TPCN1: variants seen among roughly 807,000 people sequenced by gnomAD.
The protein encoded by TPCN1 is two pore channel protein 1.
A neutral mutation model predicts 108.8 loss-of-function variants in TPCN1; 52 were observed. The observed-to-expected ratio is 0.48, with a 90% CI of 0.38 to 0.60. The LOEUF (loss-of-function observed/expected upper bound fraction) is 0.60, where lower values mean the gene tolerates loss of function less well. TPCN1 is among the 20% of genes least tolerant of loss of function. TPCN1 has a pLI of 0.00. For synonymous variants in TPCN1, 446 were observed against 433.7 expected, an observed-to-expected ratio of 1.03 and a Z score of -0.35; for missense variants, 806 against 1,072.8, an observed-to-expected ratio of 0.75 and a Z score of 3.47.
Position 113,288,749 on chromosome 12 carries a change from G to T in TPCN1, c.1707-9G>T. 6.2e-7 allele frequency: 1 copy of T among 1,611,582 alleles called. No homozygotes were observed. The highest frequency in any genetic ancestry group is 1.1e-5 in the South Asian group (1 of 91,084). On this transcript the variant is annotated splice_polypyrimidine_tract_variant and intron_variant, in intron 20 of 27. Transcript: ENST00000335509. This position sits in a 1 kb window ranked among gnomAD's most constrained non-coding sequence, Gnocchi z 4.8. ...GGCCCCGCGTCACCCTGCCCCTGTC[G>T]CCCCACAGCCTGGGCCTCACCCTGC...
intron 2 of TPCN1, among the ~76,000 whole-genome samples, chr12:113,245,348 A>G: frequency 6.7e-6 from 1 of 149,698 alleles, no homozygotes. Context: ...CTGTAATCCC[A>G]GCACTTTGGG....
chr12:113,293,291 G>A lies in TPCN1; in HGVS notation c.2276G>A (p.Gly759Glu). 1 of 1,614,092 alleles carries A rather than the reference G, an allele frequency of 6.2e-7. No homozygotes were observed. The highest frequency in any genetic ancestry group is 1.1e-5 in the South Asian group (1 of 91,086). ...TAGCAACATTCCATGGTGTTTCTGG[G>A]ACGGCGATCAAGGACCAAGAGCGAC... ...RYQQHSMVFL[G>E]RRSRTKSDLS... is the part of the protein sequence containing the mutation. Residue 759 changes from glycine (G) to glutamate (E), a missense_variant, in exon 27 of 28, where the codon GGA (glycine) becomes GAA (glutamate). By Grantham distance (98) the Gly-to-Glu change is moderately conservative. Transcript: ENST00000335509.
At chr12:113,242,259 C>T (rs753243951) in intron 2 of TPCN1, among the ~76,000 whole-genome samples, 1 of 152,226 alleles carries the variant, frequency 6.6e-6, no homozygotes, top group Non-Finnish European at 1.5e-5. Flanking sequence ...GACTGACCTC[C>T]TTGGCTGTGT....
At chr12:113,228,814 G>A (rs1317903471) in intron 2 of TPCN1, among the ~76,000 whole-genome samples, 2 of 152,204 alleles carry the variant, frequency 1.3e-5, no homozygotes, top group African/African-American at 4.8e-5. Context: ...TTTGGGGAAA[G>A]GGATGAAAGT....
intron 7 of TPCN1, among the ~76,000 whole-genome samples, chr12:113,270,532 G>C (rs1236377202): frequency 2.0e-5 from 3 of 151,618 alleles, no homozygotes; most frequent in Non-Finnish European, 2.9e-5. Context: ...CCAGGCTGGA[G>C]TGCAGTGGCA....
chr12:113,292,931 C>T lies in TPCN1; in HGVS notation c.2114-3C>T, dbSNP rs11837633. 5.3e-3 allele frequency: 8,586 copies of T among 1,610,746 alleles called. 387 individuals are homozygous for T. In the African/African-American group the frequency reaches 0.099, roughly 19 times the overall value. On this transcript the variant is annotated splice_polypyrimidine_tract_variant and splice_region_variant and intron_variant, in intron 25 of 27. Coordinates refer to ENST00000335509, the MANE Select transcript of TPCN1 (RefSeq NM_017901.6). ...TTCCCACACCTGCCTTCCATCCCTG[C>T]AGTTGATGGTGGCATCACCCTTGAG...
At chr12:113,245,690 C>T (rs1230218932) in intron 2 of TPCN1, among the ~76,000 whole-genome samples, 1 of 151,710 alleles carries the variant, frequency 6.6e-6, no homozygotes, top group Non-Finnish European at 1.5e-5. Context: ...TTTTTCTGAT[C>T]AGAGCTCCCT....
chr12:113,272,760 G>GC lies in TPCN1; in HGVS notation c.783+69dup. On this transcript the variant is annotated intron_variant, in intron 8 of 27. Coordinates refer to ENST00000335509, the MANE Select transcript of TPCN1 (RefSeq NM_017901.6). The surrounding 1 kb of genome is among the most constrained non-coding windows in gnomAD (Gnocchi z 4.1). ...GCTTTTCCCTCAGACAGGGTCACCGGCGTGACCCTGTGGCCATATGGGGAA... is the reference window on the plus strand; with the variant it reads ...GCTTTTCCCTCAGACAGGGTCACCGGCCGTGACCCTGTGGCCATATGGGGAA... 1 of 1,488,494 alleles carries GC rather than the reference G, an allele frequency of 6.7e-7. No homozygotes were observed. Among genetic ancestry groups the GC allele is most frequent in the Non-Finnish European group, 9.4e-7 (1 of 1,065,650 alleles). The allele number at this position is 1,488,494 out of a possible 1,614,324, so 92.2% of individuals were successfully genotyped here. A position where few individuals can be genotyped will look rare whatever the true frequency, so the allele number is the denominator to read the frequency against.
chr12:113,223,435 C>CTTTTTTTTT lies in TPCN1; in HGVS notation c.-126+1818_-126+1826dup, dbSNP rs1172851714. Among the ~76,000 whole-genome samples the CTTTTTTTTT allele has an allele frequency of 8.9e-3, 1,074 of 120,160 alleles. 20 individuals carry two copies. The highest frequency in any genetic ancestry group is 0.031 in the African/African-American group (974 of 31,882). 78.8% of individuals were successfully genotyped at this position (120,160 alleles called of 152,430 possible). ...AGGTCTGCAGTCAGATCTGCTGAGT[C>CTTTTTTTTT]TTTTTTTTTTTTTTTTTGGTTCTTC... On this transcript the variant is annotated intron_variant, in intron 1 of 27. Coordinates refer to ENST00000335509, the MANE Select transcript of TPCN1 (RefSeq NM_017901.6).
In TPCN1 at chr12:113,293,011, C is replaced by A; in HGVS notation, c.2191C>A (p.Arg731=). 2 of 1,613,080 alleles carry A rather than the reference C, an allele frequency of 1.2e-6. No individual in the cohort carries two copies. Among genetic ancestry groups the A allele is most frequent in the South Asian group, 1.1e-5 (1 of 91,082 alleles). ...CGTCCTGGAGCTCTACCGGGAGGCA[C>A]GGGGGGCCTCCTCGGATGTCACCAG... ...VAVLELYREA[R]GASSDVTRLL... The change falls in exon 26 of 28, where the codon CGG becomes AGG. Residue 731 remains arginine, a synonymous_variant. Transcript: ENST00000335509.
At chr12:113,246,115 C>G (rs1400830171) in intron 2 of TPCN1, 2 of 443,834 alleles carry the variant, frequency 4.5e-6, no homozygotes, top group African/African-American at 4.0e-5. Context: ...TCTCCTGCTT[C>G]GAGTCAGAGT....
chr12:113,274,217 C>T (rs1249669327), intron 10 of TPCN1, among the ~76,000 whole-genome samples: 2 of 152,106 alleles, frequency 1.3e-5, no homozygotes, highest in East Asian at 3.8e-4. Flanking sequence ...TTTTGGGAGG[C>T]CAAGGTGGGT....
chr12:113,237,325 C>T (rs1281969136), intron 2 of TPCN1, among the ~76,000 whole-genome samples: 2 of 152,084 alleles, frequency 1.3e-5, no homozygotes, highest in Non-Finnish European at 1.5e-5. Flanking sequence ...TCCCCAGGTC[C>T]CAGAAGCTCA....
intron 17 of TPCN1, 34 bp from the exon 18 acceptor site, chr12:113,285,855 G>C: frequency 6.3e-7 from 1 of 1,584,564 alleles, no homozygotes; most frequent in Non-Finnish European, 8.6e-7. Context: ...AGGATGTGGC[G>C]GGGCTGCTGC....
At chr12:113,261,645 TCTCAAA>T (rs1263471127) in intron 3 of TPCN1, among the ~76,000 whole-genome samples, 1 of 152,126 alleles carries the variant, frequency 6.6e-6, no homozygotes, top group Non-Finnish European at 1.5e-5. Flanking sequence ...GCCAGGCTGA[TCTCAAA>T]CTCTTGACCT....
chr12:113,292,708 C>A, intron 25 of TPCN1: 1 of 493,986 alleles, frequency 2.0e-6, no homozygotes, highest in South Asian at 3.3e-5. Flanking sequence ...TTCCTGAAAC[C>A]CTCTGGCCCT....
chr12:113,262,435 T>A (rs986628695), intron 3 of TPCN1, among the ~76,000 whole-genome samples: 1 of 151,602 alleles, frequency 6.6e-6, no homozygotes, highest in Non-Finnish European at 1.5e-5. Context: ...AAAGATTTAA[T>A]GAAATTTAGA....
chr12:113,271,356 G>A (rs971671840), intron 7 of TPCN1, among the ~76,000 whole-genome samples: 36 of 152,190 alleles, frequency 2.4e-4, no homozygotes, highest in African/African-American at 8.4e-4. Flanking sequence ...GAAATAAAAT[G>A]GAAGGCATGT....
chr12:113,233,279 C>T (rs1261648805), intron 2 of TPCN1, among the ~76,000 whole-genome samples: 1 of 152,216 alleles, frequency 6.6e-6, no homozygotes, highest in Non-Finnish European at 1.5e-5. Flanking sequence ...GCACCTGCCA[C>T]TCTCCTCCCC....
Sources: gnomAD v4.1 joint callset for allele counts (sites outside exome capture counted in the v4.1 genomes callset) on GRCh38, gnomAD v4.1.1 for gene constraint, Gnocchi (gnomAD v3.1) non-coding constraint, MANE v1.5 for transcripts, NCBI Gene and HGNC (gene_info 2026-07-23, HGNC 2026-07-21) for gene names.